CCDC7: variants seen among roughly 807,000 people sequenced by gnomAD.
CCDC7 encodes coiled-coil domain-containing protein 7.
A neutral mutation model predicts 196.9 loss-of-function variants in CCDC7; 183 were observed. The observed-to-expected ratio is 0.93, with a 90% confidence interval of 0.82 to 1.05. CCDC7 has a LOEUF of 1.05. Among genes scored for constraint, CCDC7 ranks in the 50% least tolerant of loss-of-function variants. The probability of loss-of-function intolerance (pLI) is 0.00; values close to 1 mark genes in which losing one functional copy is unlikely to be tolerated. For synonymous variants in CCDC7, 525 were observed against 484.6 expected (o/e 1.08, Z -1.10); for missense variants, 1,540 against 1,482.2 (o/e 1.04, Z -0.64).
At chr10:32,767,328 A>T (rs900993976) in intron 28 of CCDC7, among the ~76,000 whole-genome samples, 1 of 152,128 alleles carries the variant, frequency 6.6e-6, no homozygotes, top group South Asian at 2.1e-4. Flanking sequence ...TAATTTTTAT[A>T]CACTGGTCAT....
chr10:32,507,182 G>A (rs902796530), intron 9 of CCDC7, among the ~76,000 whole-genome samples: 4 of 151,862 alleles, frequency 2.6e-5, no homozygotes, highest in Admixed American at 1.3e-4. Flanking sequence ...TAGTAGAGAC[G>A]GGGTTTCACC....
intron 28 of CCDC7, among the ~76,000 whole-genome samples, chr10:32,754,627 A>G (rs1342959863): frequency 6.6e-6 from 1 of 152,344 alleles, no homozygotes; most frequent in East Asian, 1.9e-4. Flanking sequence ...AAAAAGCTGC[A>G]TTATAAAATA....
At chr10:32,553,523 G>A (rs1210590148) in intron 13 of CCDC7, among the ~76,000 whole-genome samples, 1 of 152,058 alleles carries the variant, frequency 6.6e-6, no homozygotes, top group Non-Finnish European at 1.5e-5. Context: ...TTGGTTTTCT[G>A]GTTCCTTCTC....
chr10:32,835,308 T>A (rs575809867), intron 33 of CCDC7, among the ~76,000 whole-genome samples: 85 of 152,288 alleles, frequency 5.6e-4, no homozygotes, highest in Non-Finnish European at 8.7e-4. Context: ...GAACTTGCTT[T>A]ATGAATCTGT....
chr10:32,463,292 T>C (rs1454456226), intron 5 of CCDC7, among the ~76,000 whole-genome samples: 1 of 152,162 alleles, frequency 6.6e-6, no homozygotes, highest in Non-Finnish European at 1.5e-5. Context: ...TTTTTTTTCC[T>C]AAAATTGAAT....
At chr10:32,687,763 C>T (rs1312399128) in intron 22 of CCDC7, among the ~76,000 whole-genome samples, 1 of 152,142 alleles carries the variant, frequency 6.6e-6, no homozygotes, top group Non-Finnish European at 1.5e-5. Flanking sequence ...AAAGCTGAGA[C>T]TTCTGGGTAA....
chr10:32,677,856 G>T (rs1169827632), intron 21 of CCDC7, among the ~76,000 whole-genome samples: 1 of 151,704 alleles, frequency 6.6e-6, no homozygotes, highest in African/African-American at 2.4e-5. Context: ...TTCACATGAT[G>T]GTATCCCATA....
chr10:32,761,025 C>T (rs112747270), intron 28 of CCDC7, among the ~76,000 whole-genome samples: 30 of 151,000 alleles, frequency 2.0e-4, no homozygotes, highest in Middle Eastern at 3.4e-3. Flanking sequence ...AATAATGTAA[C>T]GTATGAATTC....
chr10:32,520,781 C>T (rs965038819), intron 11 of CCDC7, among the ~76,000 whole-genome samples: 3 of 152,036 alleles, frequency 2.0e-5, no homozygotes, highest in African/African-American at 7.2e-5. Flanking sequence ...GAGTATTACT[C>T]AAGAAATTTT....
chr10:32,854,432 A>T (rs2093674791), exon 41 of CCDC7: 13 of 1,608,240 alleles, frequency 8.1e-6, no homozygotes, highest in Non-Finnish European at 1.1e-5. Flanking sequence ...AAGCCAAAAA[A>T]CTATTGAATT....
At chr10:32,834,495 T>A (rs969543509) in intron 32 of CCDC7, among the ~76,000 whole-genome samples, 2 of 152,054 alleles carry the variant, frequency 1.3e-5, no homozygotes, top group Non-Finnish European at 2.9e-5. Flanking sequence ...GAGGCAGCAT[T>A]GTATGGAAGA....
At chr10:32,701,994 G>A (rs924804098) in intron 24 of CCDC7, among the ~76,000 whole-genome samples, 7 of 152,084 alleles carry the variant, frequency 4.6e-5, no homozygotes, top group East Asian at 1.9e-4. Flanking sequence ...TGATTTTTTT[G>A]AGGGTTTTTT....
At chr10:32,700,431 A>C (rs576212889) in intron 24 of CCDC7, among the ~76,000 whole-genome samples, 1 of 150,768 alleles carries the variant, frequency 6.6e-6, no homozygotes, top group African/African-American at 2.5e-5. Flanking sequence ...TTTTGGTACC[A>C]GTACTATGCT....
At chr10:32,533,230 G>T (rs1276246733) in intron 11 of CCDC7, among the ~76,000 whole-genome samples, 3 of 111,640 alleles carry the variant, frequency 2.7e-5, no homozygotes, top group African/African-American at 6.5e-5. Flanking sequence ...CCAAATAAAA[G>T]AATAGAAACA....
chr10:32,640,546 T>A (rs1362729994), intron 20 of CCDC7, among the ~76,000 whole-genome samples: 2 of 152,200 alleles, frequency 1.3e-5, no homozygotes, highest in Non-Finnish European at 2.9e-5. Context: ...TTTTATCCTG[T>A]CATTATGATG....
At chr10:32,626,676 A>G (rs1190025948) in intron 18 of CCDC7, among the ~76,000 whole-genome samples, 1 of 151,940 alleles carries the variant, frequency 6.6e-6, no homozygotes, top group African/African-American at 2.4e-5. Flanking sequence ...TTCTTCTAAT[A>G]GCTTTATAGT....
chr10:32,460,291 T>C (rs763610291), intron 3 of CCDC7, among the ~76,000 whole-genome samples: 7 of 152,210 alleles, frequency 4.6e-5, no homozygotes, highest in South Asian at 4.1e-4. Context: ...TATCAGTAAG[T>C]AAATGATTAA....
intron 25 of CCDC7, among the ~76,000 whole-genome samples, chr10:32,717,149 A>T (rs2081722175): frequency 6.6e-6 from 1 of 152,234 alleles, no homozygotes; most frequent in African/African-American, 2.4e-5. Flanking sequence ...ATAACTCCTC[A>T]GCAAATGCAA....
intron 24 of CCDC7, among the ~76,000 whole-genome samples, chr10:32,704,703 C>T (rs2141663659): frequency 6.6e-6 from 1 of 152,286 alleles, no homozygotes; most frequent in Admixed American, 6.5e-5. Context: ...CAAGCCTCAG[C>T]AATGGCAGGC....
Sources: allele counts gnomAD v4.1 joint callset (sites outside exome capture counted in the v4.1 genomes callset), GRCh38; gene constraint gnomAD v4.1.1; transcripts MANE v1.5; gene names NCBI Gene and HGNC (gene_info 2026-07-23, HGNC 2026-07-21).